Variants in TNIK observed in about 807,000 individuals in gnomAD.
TNIK encodes the protein TRAF2 and NCK-interacting protein kinase.
TNIK carries 49 observed loss-of-function variants against 191.3 expected under a neutral mutation model. The observed-to-expected ratio is 0.26, with a 90% CI of 0.20 to 0.32. TNIK has a LOEUF of 0.32. Ranked by LOEUF, TNIK falls within the 10% of genes least tolerant of loss-of-function variation. The pLI, the probability that TNIK is intolerant of heterozygous loss-of-function variation, is 1.00. For synonymous variants in TNIK, 594 were observed against 600.9 expected (o/e 0.99, Z 0.17); for missense variants, 1,155 against 1,702.3 (o/e 0.68, Z 5.66).
chr3:171,107,104 C>A, intron 21 of TNIK, 79 bp downstream of exon 21: 1 of 1,480,396 alleles, frequency 6.8e-7, no homozygotes, highest in Non-Finnish European at 9.2e-7. Context: ...CATTGGCCAC[C>A]TTTCTGAATG....
chr3:171,406,189 C>A (rs1261253457), intron 1 of TNIK, among the ~76,000 whole-genome samples: 1 of 152,126 alleles, frequency 6.6e-6, no homozygotes, highest in Admixed American at 6.5e-5. Flanking sequence ...CACCTACTTA[C>A]CATGGGTTCA....
chr3:171,387,361 A>C (rs1370881850), intron 1 of TNIK, among the ~76,000 whole-genome samples: 1 of 152,184 alleles, frequency 6.6e-6, no homozygotes, highest in Non-Finnish European at 1.5e-5. Flanking sequence ...TGCTAACTAC[A>C]TAATGCTAGT....
At chr3:171,338,460 G>C (rs552642842) in intron 2 of TNIK, among the ~76,000 whole-genome samples, 1 of 152,068 alleles carries the variant, frequency 6.6e-6, no homozygotes, top group African/African-American at 2.4e-5. Context: ...TGCTTACTAT[G>C]TGTGCCAAGA....
intron 2 of TNIK, among the ~76,000 whole-genome samples, chr3:171,308,749 G>A (rs907454589): frequency 3.3e-5 from 5 of 151,966 alleles, no homozygotes; most frequent in African/African-American, 1.2e-4. Flanking sequence ...CAAAGGACAT[G>A]AACACTTTTC....
intron 2 of TNIK, among the ~76,000 whole-genome samples, chr3:171,316,747 T>C (rs1754638271): frequency 6.6e-6 from 1 of 151,990 alleles, no homozygotes; most frequent in Non-Finnish European, 1.5e-5. Flanking sequence ...GAATGGTTCA[T>C]ACATTGATCT....
chr3:171,161,177 TA>T, intron 11 of TNIK, 92 bp downstream of exon 11: 1 of 1,386,698 alleles, frequency 7.2e-7, no homozygotes, highest in South Asian at 1.4e-5. Context: ...GGTGGATTCT[TA>T]AAAACGAACC....
intron 3 of TNIK, among the ~76,000 whole-genome samples, chr3:171,213,320 G>C (rs899505485): frequency 6.6e-6 from 1 of 152,070 alleles, no homozygotes; most frequent in South Asian, 2.1e-4. Context: ...CGACCTGAGG[G>C]TTTCTGTGGG....
At chr3:171,252,820 A>T (rs1676425305) in intron 2 of TNIK, among the ~76,000 whole-genome samples, 1 of 152,180 alleles carries the variant, frequency 6.6e-6, no homozygotes, top group Admixed American at 6.5e-5. Flanking sequence ...ACACCATCTA[A>T]ATCTTGAAGA....
At chr3:171,244,240 A>G (rs1200831575) in intron 2 of TNIK, among the ~76,000 whole-genome samples, 1 of 151,204 alleles carries the variant, frequency 6.6e-6, no homozygotes, top group East Asian at 1.9e-4. Flanking sequence ...AATTTTTTGT[A>G]TTTTTTAGTA....
At chr3:171,248,158 T>C (rs746690853) in intron 2 of TNIK, among the ~76,000 whole-genome samples, 3 of 152,094 alleles carry the variant, frequency 2.0e-5, no homozygotes, top group Admixed American at 6.6e-5. Context: ...CTGTGGGATA[T>C]TTACCCAATA....
At chr3:171,175,416 C>T in intron 8 of TNIK, 86 bp from the exon 9 acceptor site, 1 of 1,093,474 alleles carries the variant, frequency 9.1e-7, no homozygotes, top group Non-Finnish European at 1.3e-6. Context: ...TAATGGCTGC[C>T]CAATGACCCA....
At chr3:171,085,346 T>A in intron 24 of TNIK, 117 bp from the exon 25 acceptor site, 2 of 988,482 alleles carry the variant, frequency 2.0e-6, no homozygotes, top group South Asian at 4.0e-5. Flanking sequence ...ATTCAGGTGT[T>A]CACATTCTAG....
intron 1 of TNIK, among the ~76,000 whole-genome samples, chr3:171,403,184 C>T (rs989832823): frequency 9.9e-5 from 15 of 152,160 alleles, no homozygotes; most frequent in Admixed American, 7.2e-4. Flanking sequence ...AGAAATGGCC[C>T]CAACAAGATG....
chr3:171,376,770 A>G (rs1717307898), intron 1 of TNIK, among the ~76,000 whole-genome samples: 1 of 151,996 alleles, frequency 6.6e-6, no homozygotes, highest in African/African-American at 2.4e-5. Flanking sequence ...ATAGATAGAT[A>G]GATAGATAGA....
chr3:171,083,471 A>G (rs972836032), intron 26 of TNIK, among the ~76,000 whole-genome samples: 2 of 152,156 alleles, frequency 1.3e-5, no homozygotes, highest in African/African-American at 4.8e-5. Flanking sequence ...TCCTTCCTTA[A>G]TCTGTATGAG....
rs563794232 is a variant in TNIK at position 171,400,551 on chromosome 3, G to A, written c.58-30866C>T. On this transcript the variant is annotated intron_variant, in intron 1 of 32. Coordinates refer to ENST00000436636, the MANE Select transcript of TNIK (RefSeq NM_015028.4). The stretch of plus-strand genomic sequence containing the variant: ...CCACTGCACTCCAGCCTGGGCAACA[G>A]AGTGAGACCCTCCTATCTCACAATA... 3.8e-3 allele frequency among the ~76,000 whole-genome samples: 335 copies of A among 88,060 alleles called. 1 individual carries two copies. Among genetic ancestry groups the A allele is most frequent in the African/African-American group, 0.015 (328 of 22,380 alleles). 57.8% of individuals were successfully genotyped at this position (88,060 alleles called of 152,430 possible).
chr3:171,217,639 A>G (rs987292613), intron 3 of TNIK, among the ~76,000 whole-genome samples: 1 of 152,202 alleles, frequency 6.6e-6, no homozygotes, highest in East Asian at 1.9e-4. Context: ...ATATAATCAT[A>G]CTACAATAGG....
chr3:171,376,805 G>A, intron 1 of TNIK, among the ~76,000 whole-genome samples: 1 of 143,902 alleles, frequency 6.9e-6, no homozygotes, highest in African/African-American at 2.9e-5. Context: ...AGAGAGATAT[G>A]GCTATAGGTA....
Position 171,123,217 on chromosome 3 carries a change from G to A in TNIK, c.2120+379C>T, listed in dbSNP as rs536399281. 1.5e-4 allele frequency among the ~76,000 whole-genome samples: 23 copies of A among 152,256 alleles called. No homozygotes were observed. In the East Asian group the frequency reaches 2.3e-3, roughly 15 times the overall value. ...TTGACCTGATGCTAAAAATCACCTC[G>A]AAATGGGCCATAACAGGTCATTTTG... On this transcript the variant is annotated intron_variant, in intron 18 of 32. Transcript: ENST00000436636.
Sources: gnomAD v4.1 joint callset for allele counts (sites outside exome capture counted in the v4.1 genomes callset) on GRCh38, gnomAD v4.1.1 for gene constraint, MANE v1.5 for transcripts, NCBI Gene and HGNC (gene_info 2026-07-23, HGNC 2026-07-21) for gene names.